EVL: variants seen among roughly 807,000 people sequenced by gnomAD.
The protein encoded by EVL is ena/VASP-like protein.
In EVL, 21 loss-of-function variants were observed where a neutral mutation model predicts 59.6. The ratio of observed to expected loss-of-function variants is 0.35; its 90% CI spans 0.25 to 0.51. The LOEUF is 0.51. Among genes scored for constraint, EVL ranks in the 20% least tolerant of loss-of-function variants. EVL has a pLI of 0.97. For synonymous variants in EVL, 198 were observed against 203.5 expected (o/e 0.97, Z 0.23); for missense variants, 462 against 546.6 (o/e 0.85, Z 1.54).
chr14:100,086,619 A>G (rs555882744), intron 2 of EVL, among the ~76,000 whole-genome samples: 2 of 152,354 alleles, frequency 1.3e-5, no homozygotes, highest in African/African-American at 4.8e-5. Flanking sequence ...CAGGGACCTC[A>G]GCACCTCACA....
Position 100,036,980 on chromosome 14 carries a change from C to T in EVL, c.6-47707C>T, listed in dbSNP as rs148275210. 4.6e-5 allele frequency among the ~76,000 whole-genome samples: 7 copies of T among 152,266 alleles called. No individual in the cohort carries two copies. The East Asian group carries it at 1.4e-3, about 29-fold the overall frequency. ...GGGATGCTCATGCTCAGAGGAAAGG[C>T]CCTCTAAGGACACAGTGAGAAGGTG... On this transcript the variant is annotated intron_variant, in intron 1 of 13. Transcript: ENST00000402714.
At chr14:100,001,290 A>G (rs1293205022) in intron 1 of EVL, among the ~76,000 whole-genome samples, 1 of 152,244 alleles carries the variant, frequency 6.6e-6, no homozygotes, top group East Asian at 1.9e-4. Context: ...GAAAAGAAAG[A>G]AAAAATTGAA....
intron 1 of EVL, among the ~76,000 whole-genome samples, chr14:100,050,735 T>C (rs2061633741): frequency 7.2e-6 from 1 of 139,232 alleles, no homozygotes; most frequent in African/African-American, 2.6e-5. Flanking sequence ...TACTTGTGTA[T>C]GAGCTCATGA....
chr14:100,072,116 T>G (rs2062059981), intron 1 of EVL, among the ~76,000 whole-genome samples: 1 of 152,196 alleles, frequency 6.6e-6, no homozygotes, highest in Non-Finnish European at 1.5e-5. Flanking sequence ...TTAAATAGTT[T>G]CACATCCTAG....
chr14:100,035,207 AC>A (rs1230188504), intron 1 of EVL, among the ~76,000 whole-genome samples: 1 of 152,104 alleles, frequency 6.6e-6, no homozygotes, highest in Non-Finnish European at 1.5e-5. Context: ...GAAAATCAGA[AC>A]CTATGTTTCC....
chr14:100,124,867 G>A (rs1031176837), intron 4 of EVL, among the ~76,000 whole-genome samples: 4 of 152,162 alleles, frequency 2.6e-5, no homozygotes, highest in African/African-American at 7.2e-5. Context: ...CCTGGCGGTC[G>A]GGGTGTGAAC....
intron 3 of EVL, among the ~76,000 whole-genome samples, chr14:100,115,781 G>A (rs752957883): frequency 7.2e-5 from 11 of 152,172 alleles, no homozygotes; most frequent in Non-Finnish European, 1.2e-4. Flanking sequence ...GAAAATTCAC[G>A]CCGGGTTCCT....
chr14:100,060,212 C>T (rs2061800862), intron 1 of EVL, among the ~76,000 whole-genome samples: 2 of 151,752 alleles, frequency 1.3e-5, no homozygotes, highest in South Asian at 2.1e-4. Context: ...GGGCGGATCA[C>T]GAGGTCAGGA....
intron 1 of EVL, chr14:99,977,431 C>T (rs1432574025): frequency 6.6e-6 from 1 of 152,118 alleles, no homozygotes; most frequent in Non-Finnish European, 1.5e-5. Flanking sequence ...TGGAGTCTCA[C>T]TCTGTTGCCT....
At position 100,131,763 on chromosome 14, in the gene EVL, C is replaced by G. The variant is rs374476275; in HGVS notation, c.840-956C>G. 3.9e-5 allele frequency among the ~76,000 whole-genome samples: 6 copies of G among 152,322 alleles called. 1 individual carries two copies. Among genetic ancestry groups the G allele is most frequent in the African/African-American group, 1.4e-4 (6 of 41,564 alleles). Reference sequence around the variant, plus strand: ...GTGTTGAAGGTGAAGACAAAAAAGACAGGCAGGTACCCAGATTTAGAGAAC... The same window carrying G: ...GTGTTGAAGGTGAAGACAAAAAAGAGAGGCAGGTACCCAGATTTAGAGAAC... On this transcript the variant is annotated intron_variant, in intron 7 of 13. Coordinates refer to ENST00000392920, the MANE Select transcript of EVL (RefSeq NM_016337.3).
At chr14:100,082,017 G>A (rs868602525) in intron 1 of EVL, among the ~76,000 whole-genome samples, 30 of 152,162 alleles carry the variant, frequency 2.0e-4, no homozygotes, top group African/African-American at 7.2e-4. Context: ...CCAGCTTCAT[G>A]GGAGGCTGAA....
At chr14:100,040,227 C>T (rs1249082962) in intron 1 of EVL, among the ~76,000 whole-genome samples, 3 of 152,140 alleles carry the variant, frequency 2.0e-5, no homozygotes, top group Non-Finnish European at 2.9e-5. Flanking sequence ...CCTTTTGTTC[C>T]GCTTTTTTCT....
chr14:99,997,556 G>A (rs546070800), intron 1 of EVL, among the ~76,000 whole-genome samples: 6 of 152,388 alleles, frequency 3.9e-5, no homozygotes, highest in African/African-American at 1.4e-4. Flanking sequence ...AGGGCCGTGG[G>A]AGTAGAGTTG....
intron 1 of EVL, among the ~76,000 whole-genome samples, chr14:100,056,502 C>A (rs2061735851): frequency 6.6e-6 from 1 of 152,098 alleles, no homozygotes. Flanking sequence ...TTTTTAAATT[C>A]TGTTTCCCAT....
intron 1 of EVL, among the ~76,000 whole-genome samples, chr14:99,979,470 T>G (rs1030280962): frequency 6.6e-5 from 10 of 152,214 alleles, no homozygotes; most frequent in African/African-American, 2.4e-4. Context: ...GAATTTTAAT[T>G]ATTAAACTTT....
At chr14:100,019,461 C>A in intron 1 of EVL, 1 of 540,868 alleles carries the variant, frequency 1.8e-6, no homozygotes. Flanking sequence ...AGCTGCCTCC[C>A]CTGTTAGCTG....
intron 1 of EVL, among the ~76,000 whole-genome samples, chr14:100,001,236 TTA>T (rs1270130219): frequency 6.6e-6 from 1 of 152,148 alleles, no homozygotes; most frequent in African/African-American, 2.4e-5. Flanking sequence ...GAAGCACAGC[TTA>T]GTTTTCAGTG....
intron 11 of EVL, 131 bp from the exon 12 acceptor site, chr14:100,141,049 A>G (rs1595262605): frequency 6.5e-6 from 5 of 767,988 alleles, no homozygotes; most frequent in Non-Finnish European, 1.0e-5. Flanking sequence ...TGAGGTGGCC[A>G]GAGTCTGAAG....
intron 1 of EVL, among the ~76,000 whole-genome samples, chr14:100,075,233 C>G (rs1234622146): frequency 6.6e-6 from 1 of 152,152 alleles, no homozygotes; most frequent in Non-Finnish European, 1.5e-5. Flanking sequence ...AGGAGAAAGC[C>G]CCTGTCTCCT....
Sources: gnomAD v4.1 joint callset for allele counts (sites outside exome capture counted in the v4.1 genomes callset) on GRCh38, gnomAD v4.1.1 for gene constraint, MANE v1.5 for transcripts, NCBI Gene and HGNC (gene_info 2026-07-23, HGNC 2026-07-21) for gene names.